Variants in NBR1 observed in about 807,000 individuals in gnomAD.
The protein encoded by NBR1 is NBR1 autophagy cargo receptor, also known as next to BRCA1 gene 1 protein.
NBR1 carries 59 observed loss-of-function variants against 115.5 expected under a neutral mutation model. That is an observed-to-expected ratio of 0.51 (90% confidence interval 0.41 to 0.63). The LOEUF (loss-of-function observed/expected upper bound fraction) is 0.63. NBR1 is among the 30% of genes least tolerant of loss of function. NBR1 has a pLI of 0.00. For synonymous variants in NBR1, 373 were observed against 414.7 expected, an observed-to-expected ratio of 0.90 and a Z score of 1.22; for missense variants, 1,043 against 1,150.5, an observed-to-expected ratio of 0.91 and a Z score of 1.35.
At chr17:43,201,565 CTGGAT>C in intron 17 of NBR1, 116 bp from the exon 18 acceptor site, 1 of 653,750 alleles carries the variant, frequency 1.5e-6, no homozygotes. Flanking sequence ...GACATGTGAT[CTGGAT>C]CAGAAATGTG....
In NBR1 at chr17:43,210,825, T is replaced by C. The variant is rs1038428908; in HGVS notation, c.*751T>C. The stretch of plus-strand genomic sequence containing the variant: ...GAAAAAATATAGGTATTGTGAAATA[T>C]TTTGCTAATCTTATAGAAAAGGAAA... On this transcript the variant is annotated 3_prime_UTR_variant, in exon 21 of 21. Coordinates refer to ENST00000590996, the MANE Select transcript of NBR1 (RefSeq NM_005899.5). 7.5e-6 allele frequency: 3 copies of C among 398,046 alleles called. No individual in the cohort carries two copies. Among genetic ancestry groups the C allele is most frequent in the Admixed American group, 4.4e-5 (1 of 22,712 alleles). The allele number at this position is 398,046 out of a possible 1,614,324, so 24.7% of individuals were successfully genotyped here.
upstream of NBR1, chr17:43,170,833 T>C (rs2056334891): frequency 1.3e-5 from 2 of 152,192 alleles, no homozygotes; most frequent in South Asian, 2.1e-4. Flanking sequence ...AGTGTTGTTA[T>C]GTTCTCCTAT....
intron 20 of NBR1, among the ~76,000 whole-genome samples, chr17:43,205,898 G>T (rs966729709): frequency 3.6e-5 from 3 of 83,710 alleles, no homozygotes; most frequent in Admixed American, 1.2e-4. Context: ...AAAAAAAAAA[G>T]GCTGGGTGTG....
chr17:43,175,685 C>G, intron 1 of NBR1, 106 bp from the exon 2 acceptor site: 5 of 585,186 alleles, frequency 8.5e-6, no homozygotes, highest in Middle Eastern at 2.6e-4. Flanking sequence ...CAAGCCCAGC[C>G]CATATTGGGT....
Position 43,197,049 on chromosome 17 carries a change from C to G in NBR1, c.1969C>G (p.Leu657Val), listed in dbSNP as rs1256057771. 6.2e-7 allele frequency: 1 copy of G among 1,614,006 alleles called. No homozygotes were observed. The highest frequency in any genetic ancestry group is 8.5e-7 in the Non-Finnish European group (1 of 1,179,878). ...QFVCETVIRS[L>V]TLDAAPDHNP... ...TGTGTGTGAGACAGTAATCCGATCC[C>G]TTACCTTGGATGCTGCCCCAGACCA... The change falls in exon 16 of 21, where the codon CTT (leucine) becomes GTT (valine). Residue 657 changes from leucine (L) to valine (V), a missense_variant. By Grantham distance (32) the Leu-to-Val change is conservative. Transcript: ENST00000590996.
intron 20 of NBR1, among the ~76,000 whole-genome samples, chr17:43,205,576 A>G (rs1163862499): frequency 2.0e-5 from 3 of 151,986 alleles, no homozygotes; most frequent in Non-Finnish European, 4.4e-5. Context: ...TAAGAAGAGG[A>G]GTAAGACGAA....
Position 43,186,413 on chromosome 17 carries a change from A to T in NBR1, c.371A>T (p.Asp124Val), listed in dbSNP as rs1291340687. The T allele has an allele frequency of 1.3e-6, 2 of 1,597,868 alleles. No individual in the cohort carries two copies. Among genetic ancestry groups the T allele is most frequent in the Non-Finnish European group, 1.7e-6 (2 of 1,173,730 alleles). Residue 124 changes from aspartate (D) to valine (V), a missense_variant, in exon 6 of 21, where the codon GAC becomes GTC. Coordinates refer to ENST00000590996, the MANE Select transcript of NBR1 (RefSeq NM_005899.5). ...YSSLVRVLGS[D>V]MKTPEDPAVQ... ...TCACTGGTGAGAGTCTTGGGATCAG[A>T]CATGAAGACCCCAGAGGATCCTGCA...
At chr17:43,186,483 T>C in intron 6 of NBR1, 39 bp downstream of exon 6, 1 of 1,401,682 alleles carries the variant, frequency 7.1e-7, no homozygotes. Context: ...ATATCGTTTC[T>C]TTTTTCTTTT....
intron 5 of NBR1, 116 bp from the exon 6 acceptor site, chr17:43,186,134 A>G (rs915327945): frequency 2.1e-5 from 18 of 840,350 alleles, no homozygotes; most frequent in Non-Finnish European, 2.7e-5. Context: ...AGCAAACACA[A>G]ATCCTAGTAT....
intron 7 of NBR1, among the ~76,000 whole-genome samples, chr17:43,189,326 C>G (rs1322438861): frequency 6.6e-6 from 1 of 152,132 alleles, no homozygotes; most frequent in African/African-American, 2.4e-5. Context: ...TAATTCTAAG[C>G]ATGTAAGGGA....
chr17:43,198,434 C>G (rs1363817934), intron 16 of NBR1, among the ~76,000 whole-genome samples: 1 of 151,912 alleles, frequency 6.6e-6, no homozygotes, highest in Non-Finnish European at 1.5e-5. Flanking sequence ...GCGGACAGAT[C>G]ACAAGCTCAG....
Position 43,210,891 on chromosome 17 carries a change from C to A in NBR1, c.*817C>A. The A allele has an allele frequency of 2.5e-6, 1 of 395,642 alleles. No individual in the cohort carries two copies. The highest frequency in any genetic ancestry group is 4.4e-5 in the Admixed American group (1 of 22,694). The allele number at this position is 395,642 out of a possible 1,614,324, so 24.5% of individuals were successfully genotyped here. On this transcript the variant is annotated 3_prime_UTR_variant, in exon 21 of 21. Transcript: ENST00000590996. ...AAGGGAAAAGTAAATTTAACAGTTG[C>A]CTTTTTTCTTAATGTCAGGGCAGAT... is the stretch of plus-strand genomic sequence containing the variant.
intron 10 of NBR1, among the ~76,000 whole-genome samples, chr17:43,191,984 T>C (rs886329735): frequency 6.7e-6 from 1 of 149,744 alleles, no homozygotes; most frequent in Non-Finnish European, 1.5e-5. Context: ...ACTCCCAAAG[T>C]GTTGGGATTA....
chr17:43,184,782 A>G (rs1185206249), intron 5 of NBR1, among the ~76,000 whole-genome samples: 1 of 152,106 alleles, frequency 6.6e-6, no homozygotes, highest in Non-Finnish European at 1.5e-5. Context: ...AAGATTCCAT[A>G]GAGAGAGTCT....
In NBR1 at chr17:43,190,600, T is replaced by TCC. The variant is rs1281381790; in HGVS notation, c.696-6_696-5dup. 1.3e-6 allele frequency: 2 copies of TCC among 1,565,714 alleles called. No individual in the cohort carries two copies. Among genetic ancestry groups the TCC allele is most frequent in the Non-Finnish European group, 1.7e-6 (2 of 1,154,832 alleles). ...TGCCATTGTGTATTGTGCCATTCTT[T>TCC]CCCCACAGCCTATGCCCATCCTACA... On this transcript the variant is annotated splice_polypyrimidine_tract_variant and intron_variant, in intron 8 of 20. Coordinates refer to ENST00000590996, the MANE Select transcript of NBR1 (RefSeq NM_005899.5).
In NBR1 at chr17:43,175,883, G is replaced by A. The variant is rs763694950; in HGVS notation, c.84G>A (p.Trp28Ter). ...TTTCTGATCCAGAAAATACAACTTG[G>A]GCTGATATCGAAGCTATGGTGAGTG... ...FLVSDPENTT[W>*]ADIEAMVKVS... The change falls in exon 2 of 21, where the codon TGG (tryptophan) becomes TGA (stop). Residue 28 changes from tryptophan (W) to a stop codon, truncating the protein, a stop_gained. Coordinates refer to ENST00000590996, the MANE Select transcript of NBR1 (RefSeq NM_005899.5). LOFTEE classifies it high-confidence loss of function. 1 of 1,593,786 alleles carries A rather than the reference G, an allele frequency of 6.3e-7. No homozygotes were observed. The highest frequency in any genetic ancestry group is 8.6e-7 in the Non-Finnish European group (1 of 1,163,408).
At position 43,210,796 on chromosome 17, in the gene NBR1, A is replaced by G. The variant is rs2154582524; in HGVS notation, c.*722A>G. 2.5e-6 allele frequency: 1 copy of G among 398,472 alleles called. No individual in the cohort carries two copies. The highest frequency in any genetic ancestry group is 4.4e-6 in the Non-Finnish European group (1 of 225,998). 24.7% of individuals were successfully genotyped at this position (398,472 alleles called of 1,614,324 possible). On this transcript the variant is annotated 3_prime_UTR_variant, in exon 21 of 21. Coordinates refer to ENST00000590996, the MANE Select transcript of NBR1 (RefSeq NM_005899.5). ...AGTAATTTTGCATACATTTTTATTTAAGGGAAAAAATATAGGTATTGTGAA... is the reference window on the plus strand; with the variant it reads ...AGTAATTTTGCATACATTTTTATTTGAGGGAAAAAATATAGGTATTGTGAA...
chr17:43,202,523 TAA>T (rs11409840), intron 18 of NBR1, 130 bp from the exon 19 acceptor site: 3,255 of 480,534 alleles, frequency 6.8e-3, no homozygotes, highest in East Asian at 9.6e-3. Context: ...CCAAATACTT[TAA>T]AAAAAAAAAA....
At chr17:43,174,244 A>G (rs1266525572) in intron 1 of NBR1, among the ~76,000 whole-genome samples, 2 of 152,200 alleles carry the variant, frequency 1.3e-5, no homozygotes, top group Non-Finnish European at 1.5e-5. Flanking sequence ...TTATGGGTCC[A>G]TAGGGATTCA....
Sources: gnomAD v4.1 joint callset for allele counts (sites outside exome capture counted in the v4.1 genomes callset) on GRCh38, gnomAD v4.1.1 for gene constraint, MANE v1.5 for transcripts, NCBI Gene and HGNC (gene_info 2026-07-23, HGNC 2026-07-21) for gene names.